TRIM66: variants seen among roughly 807,000 people sequenced by gnomAD.
The protein encoded by TRIM66 is tripartite motif-containing protein 66.
A neutral mutation model predicts 148.2 loss-of-function variants in TRIM66; 99 were observed. The ratio of observed to expected loss-of-function variants is 0.67; its 90% confidence interval spans 0.57 to 0.79. The LOEUF (loss-of-function observed/expected upper bound fraction) is 0.79. TRIM66 is among the 30% of genes least tolerant of loss of function. TRIM66 has a pLI of 0.00. For missense variants in TRIM66, 1,666 were observed against 1,697.9 expected (o/e 0.98, Z 0.33); for synonymous variants, 616 against 635.9 (o/e 0.97, Z 0.47).
Position 8,645,800 on chromosome 11 carries a change from A to G in TRIM66, c.1045T>C (p.Phe349Leu). 6.4e-7 allele frequency: 1 copy of G among 1,551,750 alleles called. No homozygotes were observed. The highest frequency in any genetic ancestry group is 2.4e-5 in the East Asian group (1 of 40,930). Residue 349 changes from phenylalanine to leucine, a missense_variant, in exon 12 of 25, where the codon TTC becomes CTC. Physicochemically the swap from Phe to Leu is conservative, Grantham distance 22. Coordinates refer to ENST00000646038, the MANE Select transcript of TRIM66 (RefSeq NM_001388022.1). ...LNRQFEHVQN[F>L]INWAVCSKTS... Reference sequence around the variant, plus strand: ...TTGCTGCAGACAGCCCAGTTGATGAAATTCTGCACATGCTCAAACTGACGG... The same window carrying G: ...TTGCTGCAGACAGCCCAGTTGATGAGATTCTGCACATGCTCAAACTGACGG...
rs188278000 is a variant in TRIM66, at chr11:8,682,472, G to A, written c.-548+129C>T. 868 of 420,222 alleles carry A rather than the reference G, an allele frequency of 2.1e-3. 14 individuals carry two copies. The highest frequency in any genetic ancestry group is 0.017 in the African/African-American group (791 of 47,002). 26.0% of individuals were successfully genotyped at this position (420,222 alleles called of 1,614,324 possible). A position where few individuals can be genotyped will look rare whatever the true frequency, so the allele number is the denominator to read the frequency against. ...CAACGAGGCCCTTAGGGTCGGCTTA[G>A]GCGGTTCCCTGACCAAGGCGCCAGA... On this transcript the variant is annotated intron_variant, in intron 1 of 24. Coordinates refer to ENST00000646038, the MANE Select transcript of TRIM66 (RefSeq NM_001388022.1).
intron 12 of TRIM66, among the ~76,000 whole-genome samples, chr11:8,645,323 G>A (rs914373997): frequency 1.3e-4 from 20 of 152,094 alleles, no homozygotes; most frequent in African/African-American, 1.9e-4. Flanking sequence ...GGGTGCTGCC[G>A]TCCTCTCAAG....
chr11:8,630,155 A>G (rs1258080749), intron 15 of TRIM66, among the ~76,000 whole-genome samples: 1 of 152,208 alleles, frequency 6.6e-6, no homozygotes, highest in Non-Finnish European at 1.5e-5. Flanking sequence ...CTTCAGAGCA[A>G]GGAAAGCAGG....
intron 13 of TRIM66, 43 bp from the exon 14 acceptor site, chr11:8,641,195 T>G: frequency 2.0e-6 from 3 of 1,496,816 alleles, no homozygotes; most frequent in Non-Finnish European, 1.8e-6. Context: ...TTTTTCAAGT[T>G]GCTCCCACCT....
At chr11:8,657,848 C>T (rs1043684741) in intron 6 of TRIM66, among the ~76,000 whole-genome samples, 11 of 152,214 alleles carry the variant, frequency 7.2e-5, no homozygotes, top group African/African-American at 2.2e-4. Context: ...AATTTTTGTC[C>T]AAGTCACCCC....
At chr11:8,662,343 T>A (rs2038315785) in intron 6 of TRIM66, among the ~76,000 whole-genome samples, 1 of 152,214 alleles carries the variant, frequency 6.6e-6, no homozygotes, top group South Asian at 2.1e-4. Flanking sequence ...AAGTGTCATT[T>A]CCCTCTCTGA....
chr11:8,638,787 C>A lies in TRIM66; in HGVS notation c.2177G>T (p.Gly726Val). The change falls in exon 15 of 25, where the codon GGC becomes GTC. Residue 726 changes from glycine to valine, a missense_variant. By Grantham distance (109) the Gly-to-Val change is moderately radical (BLOSUM62 -3). This residue lies in a region of TRIM66 where 1,431 missense variants were observed against 1,412.4 expected (regional missense o/e 1.01). Coordinates refer to ENST00000646038, the MANE Select transcript of TRIM66 (RefSeq NM_001388022.1). Reference protein sequence around the residue: ...QATDEPPASQGSKPALPLDKN... With the variant: ...QATDEPPASQVSKPALPLDKN... ...GTCAAGAGGGAGAGCCGGCTTTGAG[C>A]CCTGAGATGCTGGGGGCTCATCTGT... 1 of 1,551,274 alleles carries A rather than the reference C, an allele frequency of 6.4e-7. No individual in the cohort carries two copies. The highest frequency in any genetic ancestry group is 1.2e-5 in the South Asian group (1 of 84,034).
At chr11:8,682,799 G>A (rs199996172), upstream of TRIM66, 2 of 1,613,318 alleles carry the variant, frequency 1.2e-6, no homozygotes, top group African/African-American at 1.3e-5. Context: ...TTCCTTTTTC[G>A]TCTGGGCTGC....
chr11:8,682,044 G>A (rs1282393492), intron 1 of TRIM66, among the ~76,000 whole-genome samples: 1 of 152,136 alleles, frequency 6.6e-6, no homozygotes, highest in East Asian at 1.9e-4. Flanking sequence ...CTACAGGTGT[G>A]AGCCACCGCG....
intron 10 of TRIM66, among the ~76,000 whole-genome samples, chr11:8,647,091 TATA>T (rs1266764308): frequency 1.9e-4 from 5 of 26,026 alleles, no homozygotes; most frequent in Non-Finnish European, 4.7e-4. Flanking sequence ...ACAATAAACA[TATA>T]ATATAATGTT....
chr11:8,681,227 G>C (rs571703858), intron 1 of TRIM66, among the ~76,000 whole-genome samples: 14 of 151,044 alleles, frequency 9.3e-5, no homozygotes, highest in Admixed American at 4.6e-4. Flanking sequence ...TCCGCCTCCC[G>C]GGTTCACGCC....
At chr11:8,620,272 GA>G in intron 21 of TRIM66, 148 bp from the exon 22 acceptor site, 1 of 1,340,748 alleles carries the variant, frequency 7.5e-7, no homozygotes, top group Middle Eastern at 1.9e-4. Flanking sequence ...CAAGCCAGAG[GA>G]AAACTGCTAG....
At chr11:8,637,815 T>C (rs2036018041) in intron 15 of TRIM66, among the ~76,000 whole-genome samples, 1 of 151,580 alleles carries the variant, frequency 6.6e-6, no homozygotes, top group South Asian at 2.1e-4. Context: ...GAGAAGACAA[T>C]AGCGTAAGTG....
At chr11:8,630,823 T>C (rs559293899) in intron 15 of TRIM66, among the ~76,000 whole-genome samples, 5 of 152,200 alleles carry the variant, frequency 3.3e-5, no homozygotes, top group Non-Finnish European at 5.9e-5. Context: ...CCTACCTGTC[T>C]TTACCATCTA....
intron 3 of TRIM66, chr11:8,679,068 C>G (rs2039306067): frequency 6.6e-6 from 1 of 152,226 alleles, no homozygotes; most frequent in Non-Finnish European, 1.5e-5. Flanking sequence ...CAGAGAAGGA[C>G]ACCCCTCAGG....
intron 17 of TRIM66, 75 bp from the exon 18 acceptor site, chr11:8,622,951 A>G (rs1044673609): frequency 7.9e-7 from 1 of 1,262,304 alleles, no homozygotes; most frequent in Non-Finnish European, 1.1e-6. Flanking sequence ...TCTTCTACTT[A>G]TATCTGCTAT....
At chr11:8,636,862 G>C (rs11042020) in intron 15 of TRIM66, among the ~76,000 whole-genome samples, 1 of 152,018 alleles carries the variant, frequency 6.6e-6, no homozygotes. Context: ...GCATAATTTA[G>C]AAGGCCTTAC....
chr11:8,646,306 C>T, intron 11 of TRIM66, 141 bp downstream of exon 11: 1 of 710,780 alleles, frequency 1.4e-6, no homozygotes, highest in Non-Finnish European at 2.3e-6. Context: ...ATTAGGCTGA[C>T]ATTTTAAAAT....
At chr11:8,674,956 C>A (rs1249735997) in intron 3 of TRIM66, 73 bp from the exon 4 acceptor site, 1 of 152,332 alleles carries the variant, frequency 6.6e-6, no homozygotes, top group Admixed American at 6.5e-5. Context: ...CACCAAAATT[C>A]AACAGTGGTA....
Sources: gnomAD v4.1 joint callset for allele counts (sites outside exome capture counted in the v4.1 genomes callset) on GRCh38, gnomAD v4.1.1 for gene constraint, gnomAD v4.1.1 regional missense constraint, MANE v1.5 for transcripts, NCBI Gene and HGNC (gene_info 2026-07-23, HGNC 2026-07-21) for gene names.